The following LPP variants were observed in gnomAD, a reference collection of about 807,000 sequenced individuals.
The protein encoded by LPP is LIM domain containing preferred translocation partner in lipoma.
LPP carries 38 observed loss-of-function variants against 60.4 expected under a neutral mutation model. The observed-to-expected ratio is 0.63, with a 90% confidence interval of 0.49 to 0.83. LPP has a LOEUF of 0.83. Ranked by LOEUF, LPP falls within the 40% of genes least tolerant of loss-of-function variation. LPP has a pLI of 0.00. For synonymous variants in LPP, 328 were observed against 290.8 expected, an observed-to-expected ratio of 1.13 and a Z score of -1.30; for missense variants, 902 against 783.6, an observed-to-expected ratio of 1.15 and a Z score of -1.80.
intron 2 of LPP, among the ~76,000 whole-genome samples, chr3:188,266,712 G>T (rs1340473441): frequency 6.6e-6 from 1 of 152,162 alleles, no homozygotes; most frequent in Non-Finnish European, 1.5e-5. Context: ...GTTTATGTCT[G>T]TTCTAAAAAA....
intron 2 of LPP, chr3:188,240,294 T>G (rs2149444737): frequency 5.9e-6 from 1 of 168,822 alleles, no homozygotes; most frequent in African/African-American, 2.4e-5. Context: ...GCTTACAGCT[T>G]GCCTAACAAG....
At chr3:188,268,288 C>CA (rs5855187) in intron 2 of LPP, among the ~76,000 whole-genome samples, 17 of 151,370 alleles carry the variant, frequency 1.1e-4, no homozygotes, top group Admixed American at 6.6e-4. Flanking sequence ...AAAACAAAAA[C>CA]AAAAAAAACA....
chr3:188,656,116 C>T (rs1002637997), intron 7 of LPP, among the ~76,000 whole-genome samples: 2 of 151,566 alleles, frequency 1.3e-5, no homozygotes, highest in African/African-American at 4.9e-5. Context: ...TGCTTGAACC[C>T]AGGAGGTGGA....
intron 6 of LPP, among the ~76,000 whole-genome samples, chr3:188,560,931 A>G (rs1191208066): frequency 6.6e-6 from 1 of 152,130 alleles, no homozygotes; most frequent in African/African-American, 2.4e-5. Context: ...AGGAAACAGG[A>G]TGGGAGATGA....
chr3:188,734,950 C>T (rs562980105), intron 8 of LPP, among the ~76,000 whole-genome samples: 9 of 152,302 alleles, frequency 5.9e-5, no homozygotes, highest in African/African-American at 2.2e-4. Flanking sequence ...CCATAATCTA[C>T]ACGTGAACCC....
At chr3:188,523,308 T>C (rs754465745) in intron 5 of LPP, among the ~76,000 whole-genome samples, 5 of 152,302 alleles carry the variant, frequency 3.3e-5, no homozygotes, top group Admixed American at 6.5e-5. Flanking sequence ...AGACAGTTGA[T>C]GTTACTGTGC....
chr3:188,307,641 C>G (rs556824710), intron 2 of LPP, among the ~76,000 whole-genome samples: 2 of 152,298 alleles, frequency 1.3e-5, no homozygotes, highest in South Asian at 4.1e-4. Flanking sequence ...TGTATCCCCA[C>G]CTAGGTCAGT....
chr3:188,509,805 G>A (rs910386409), intron 5 of LPP, among the ~76,000 whole-genome samples: 3 of 144,670 alleles, frequency 2.1e-5, no homozygotes, highest in Non-Finnish European at 3.0e-5. Flanking sequence ...CGATTCTCCT[G>A]TTTCAGCTTC....
At chr3:188,451,766 G>C (rs1297150068) in intron 4 of LPP, among the ~76,000 whole-genome samples, 1 of 152,198 alleles carries the variant, frequency 6.6e-6, no homozygotes, top group Non-Finnish European at 1.5e-5. Flanking sequence ...AGGTAAAGCA[G>C]TAGGAGGAAT....
At chr3:188,577,906 C>G (rs1835144676) in intron 6 of LPP, among the ~76,000 whole-genome samples, 1 of 149,896 alleles carries the variant, frequency 6.7e-6, no homozygotes, top group South Asian at 2.1e-4. Flanking sequence ...CCATCTCCCT[C>G]TCTCTCTCCT....
chr3:188,239,319 ACAGTTGTTGCTTCCT>A (rs1452195745), intron 2 of LPP, among the ~76,000 whole-genome samples: 2 of 152,188 alleles, frequency 1.3e-5, no homozygotes, highest in African/African-American at 4.8e-5. Context: ...TGAATTTAAT[ACAGTTGTTGCTTCCT>A]CATTTTATTT....
chr3:188,788,166 A>G (rs779274708), intron 9 of LPP, among the ~76,000 whole-genome samples: 2 of 152,202 alleles, frequency 1.3e-5, no homozygotes, highest in Non-Finnish European at 2.9e-5. Flanking sequence ...CATTTATGAG[A>G]CAAGTTCCTT....
At chr3:188,345,526 G>T (rs1351388100) in intron 3 of LPP, among the ~76,000 whole-genome samples, 2 of 152,036 alleles carry the variant, frequency 1.3e-5, no homozygotes, top group Non-Finnish European at 2.9e-5. Flanking sequence ...ACAGATGAGG[G>T]ATTTATAAGC....
chr3:188,268,046 G>A (rs558308470), intron 2 of LPP, among the ~76,000 whole-genome samples: 40 of 105,100 alleles, frequency 3.8e-4, no homozygotes, highest in Non-Finnish European at 6.9e-4. Flanking sequence ...TTTTTGCTGA[G>A]TTTGCATTGC....
intron 2 of LPP, among the ~76,000 whole-genome samples, chr3:188,253,640 A>G (rs575867887): frequency 1.3e-5 from 2 of 152,312 alleles, no homozygotes; most frequent in African/African-American, 2.4e-5. Context: ...CTGAAACCCA[A>G]TAAGAACATA....
At chr3:188,673,783 T>C (rs1002892409) in intron 7 of LPP, among the ~76,000 whole-genome samples, 1 of 152,106 alleles carries the variant, frequency 6.6e-6, no homozygotes, top group Non-Finnish European at 1.5e-5. Context: ...GCGGGACTTA[T>C]TGGAGTAACT....
intron 4 of LPP, among the ~76,000 whole-genome samples, chr3:188,465,100 G>A (rs1241645291): frequency 6.6e-6 from 1 of 151,890 alleles, no homozygotes; most frequent in Non-Finnish European, 1.5e-5. Flanking sequence ...GAATTCAGAA[G>A]ACAGTGTGAT....
At chr3:188,179,474 G>T (rs1724258275) in intron 1 of LPP, 1 of 457,674 alleles carries the variant, frequency 2.2e-6, no homozygotes, top group South Asian at 1.5e-5. Flanking sequence ...TTCCCTTCTG[G>T]GGCGCCCACA....
chr3:188,195,543 A>T (rs931449552), intron 1 of LPP, among the ~76,000 whole-genome samples: 1 of 152,218 alleles, frequency 6.6e-6, no homozygotes, highest in Non-Finnish European at 1.5e-5. Context: ...GCCAGCTGCC[A>T]TGTTGAGCCT....
Sources: allele counts gnomAD v4.1 joint callset (sites outside exome capture counted in the v4.1 genomes callset), GRCh38; gene constraint gnomAD v4.1.1; transcripts MANE v1.5; gene names NCBI Gene and HGNC (gene_info 2026-07-23, HGNC 2026-07-21).